Variants in SLC22A15 observed in about 807,000 individuals in gnomAD.
The protein encoded by SLC22A15 is flipt 1.
A neutral mutation model predicts 62.7 loss-of-function variants in SLC22A15; 45 were observed. The ratio of observed to expected loss-of-function variants is 0.72; its 90% CI spans 0.56 to 0.92. The LOEUF (loss-of-function observed/expected upper bound fraction) is 0.92. Among genes scored for constraint, SLC22A15 ranks in the 40% least tolerant of loss-of-function variants. The pLI is 0.00. For synonymous variants in SLC22A15, 264 were observed against 267.0 expected, an observed-to-expected ratio of 0.99 and a Z score of 0.11; for missense variants, 622 against 665.6, an observed-to-expected ratio of 0.93 and a Z score of 0.72.
At chr1:116,041,574 A>G (rs1208766525) in intron 8 of SLC22A15, among the ~76,000 whole-genome samples, 1 of 152,238 alleles carries the variant, frequency 6.6e-6, no homozygotes, top group African/African-American at 2.4e-5. Flanking sequence ...AAAATGCCCT[A>G]GCACATGGTT....
chr1:116,032,087 G>A (rs1248854147), intron 6 of SLC22A15: 1 of 985,224 alleles, frequency 1.0e-6, no homozygotes, highest in African/African-American at 1.7e-5. Flanking sequence ...TTGTACAGAT[G>A]GGACCCCAGG....
At chr1:116,058,879 C>T (rs994452933) in intron 8 of SLC22A15, among the ~76,000 whole-genome samples, 4 of 152,136 alleles carry the variant, frequency 2.6e-5, no homozygotes, top group Non-Finnish European at 4.4e-5. Context: ...AACCAAACAT[C>T]GTATGTTCTC....
intron 7 of SLC22A15, among the ~76,000 whole-genome samples, chr1:116,036,157 C>A (rs1436028114): frequency 6.6e-6 from 1 of 152,112 alleles, no homozygotes; most frequent in Non-Finnish European, 1.5e-5. Context: ...ATAGAGGCTA[C>A]AGCTTACTCT....
chr1:115,981,803 C>T (rs1654624046), intron 1 of SLC22A15, among the ~76,000 whole-genome samples: 2 of 152,168 alleles, frequency 1.3e-5, no homozygotes, highest in Non-Finnish European at 1.5e-5. Flanking sequence ...GGCTGTTTGA[C>T]TTGTGCCTTG....
intron 1 of SLC22A15, among the ~76,000 whole-genome samples, chr1:115,990,300 T>C (rs1206628503): frequency 6.6e-6 from 1 of 152,234 alleles, no homozygotes; most frequent in Non-Finnish European, 1.5e-5. Flanking sequence ...GAGTTTGCTT[T>C]GCCTAATTGA....
intron 8 of SLC22A15, among the ~76,000 whole-genome samples, chr1:116,043,888 C>G (rs1657857337): frequency 6.6e-6 from 1 of 152,028 alleles, no homozygotes; most frequent in Non-Finnish European, 1.5e-5. Context: ...TATAAACTAC[C>G]AAAGCTTACT....
At chr1:116,002,797 G>A (rs1655804571) in intron 2 of SLC22A15, among the ~76,000 whole-genome samples, 1 of 152,084 alleles carries the variant, frequency 6.6e-6, no homozygotes, top group Non-Finnish European at 1.5e-5. Flanking sequence ...AGGAGCCAAG[G>A]CCTGTAATCA....
intron 8 of SLC22A15, among the ~76,000 whole-genome samples, chr1:116,052,005 A>G (rs577055376): frequency 8.5e-5 from 13 of 152,284 alleles, no homozygotes; most frequent in Middle Eastern, 3.4e-3. Context: ...CTGCATTTCC[A>G]TCTGAGGTAC....
rs1467786870 is a variant in SLC22A15, at chr1:115,992,185, G to A, written c.242G>A (p.Gly81Asp). 2 of 1,610,544 alleles carry A rather than the reference G, an allele frequency of 1.2e-6. No homozygotes were observed. The highest frequency in any genetic ancestry group is 1.7e-6 in the Non-Finnish European group (2 of 1,178,296). The change falls in exon 2 of 12, where the codon GGC becomes GAC. Residue 81 changes from glycine to aspartate, a missense_variant. By Grantham distance (94) the Gly-to-Asp change is moderately conservative (BLOSUM62 -1). Coordinates refer to ENST00000369503, the MANE Select transcript of SLC22A15 (RefSeq NM_018420.3). ...GGGGACTGGCTCCTGACAGCCAACG[G>A]CAGTGAGATCCATAAGCACGTGCAT... The part of the protein sequence containing the change: ...AFGDWLLTAN[G>D]SEIHKHVHFS...
rs780778022 is a variant in SLC22A15, at chr1:116,033,589, A to ATG, written c.945-1585_945-1584dup. On this transcript the variant is annotated intron_variant, in intron 6 of 11. Coordinates refer to ENST00000369503, the MANE Select transcript of SLC22A15 (RefSeq NM_018420.3). The stretch of plus-strand genomic sequence containing the variant: ...TGTGTGTGTGTGTGTGTGTGTGTGT[A>ATG]TGTGTGTGTGTGTGGCTGGAATTTC... Among the ~76,000 whole-genome samples the ATG allele has an allele frequency of 8.4e-3, 1,113 of 133,092 alleles. 5 individuals carry two copies. The highest frequency in any genetic ancestry group is 0.013 in the Non-Finnish European group (803 of 61,808). 87.3% of individuals were successfully genotyped at this position (133,092 alleles called of 152,430 possible).
In SLC22A15 at chr1:116,003,853, G is replaced by A. The variant is rs1021438396; in HGVS notation, c.300+11610G>A. Among the ~76,000 whole-genome samples the A allele has an allele frequency of 7.3e-4, 111 of 152,178 alleles. 1 individual carries two copies. The highest frequency in any genetic ancestry group is 7.0e-3 in the Admixed American group (107 of 15,272). ...GAAACTCACCCAATTGTCCCAAAGA[G>A]CTGATGTTTATGGTTTCTTTTGAAT... On this transcript the variant is annotated intron_variant, in intron 2 of 11. Transcript: ENST00000369503.
At chr1:116,054,992 G>C (rs1658163092) in intron 8 of SLC22A15, among the ~76,000 whole-genome samples, 1 of 151,906 alleles carries the variant, frequency 6.6e-6, no homozygotes, top group Non-Finnish European at 1.5e-5. Flanking sequence ...ACAATTAAAA[G>C]AACTAGAAAA....
chr1:116,066,964 A>G (rs1658514547), intron 11 of SLC22A15, 55 bp from the exon 12 acceptor site: 1 of 1,408,582 alleles, frequency 7.1e-7, no homozygotes. Context: ...GGTAGTTTCC[A>G]TTTCAGAAAT....
chr1:115,988,465 T>A (rs916269394), intron 1 of SLC22A15, among the ~76,000 whole-genome samples: 1 of 152,182 alleles, frequency 6.6e-6, no homozygotes, highest in Admixed American at 6.5e-5. Flanking sequence ...GGCTAGTTAA[T>A]GCTAAGCCAT....
At chr1:116,040,080 T>G (rs1657739238) in intron 8 of SLC22A15, among the ~76,000 whole-genome samples, 1 of 152,178 alleles carries the variant, frequency 6.6e-6, no homozygotes, top group South Asian at 2.1e-4. Flanking sequence ...CCACCATTAT[T>G]TTTTAGCACC....
At chr1:116,054,871 A>C (rs1225858545) in intron 8 of SLC22A15, among the ~76,000 whole-genome samples, 2 of 152,040 alleles carry the variant, frequency 1.3e-5, no homozygotes, top group East Asian at 1.9e-4. Flanking sequence ...ACAAAGACAC[A>C]ACATACCAGA....
chr1:116,061,313 A>G (rs1193654941), intron 8 of SLC22A15, among the ~76,000 whole-genome samples: 1 of 152,194 alleles, frequency 6.6e-6, no homozygotes, highest in African/African-American at 2.4e-5. Flanking sequence ...GAAAGAGAGC[A>G]TATTTCATTT....
rs754861856 is a variant in SLC22A15 at position 116,020,763 on chromosome 1, C to T, written c.476C>T (p.Ser159Phe). 2 of 1,613,204 alleles carry T rather than the reference C, an allele frequency of 1.2e-6. No individual in the cohort carries two copies. Among genetic ancestry groups the T allele is most frequent in the Non-Finnish European group, 8.5e-7 (1 of 1,179,524 alleles). ...TTATTTGCAATTGCAAATGGATTTTCCCCCTCATATGAGTTCTTTGCAGTA... is the reference window on the plus strand; with the variant it reads ...TTATTTGCAATTGCAAATGGATTTTTCCCCTCATATGAGTTCTTTGCAGTA... ...DILFAIANGF[S>F]PSYEFFAVTR... is the part of the protein sequence containing the mutation. Residue 159 changes from serine to phenylalanine, a missense_variant, in exon 4 of 12, where the codon TCC becomes TTC. Transcript: ENST00000369503.
chr1:115,992,476 A>T (rs1655198803), intron 2 of SLC22A15, among the ~76,000 whole-genome samples: 1 of 152,210 alleles, frequency 6.6e-6, no homozygotes, highest in Admixed American at 6.5e-5. Context: ...AGATGAAAAG[A>T]TACAAACTCC....
Sources: gnomAD v4.1 joint callset for allele counts (sites outside exome capture counted in the v4.1 genomes callset) on GRCh38, gnomAD v4.1.1 for gene constraint, MANE v1.5 for transcripts, NCBI Gene and HGNC (gene_info 2026-07-23, HGNC 2026-07-21) for gene names.